FNDC3A: variants seen among roughly 807,000 people sequenced by gnomAD.
FNDC3A encodes fibronectin type III domain containing 3A, also known as fibronectin type-III domain-containing protein 3A.
A neutral mutation model predicts 148.9 loss-of-function variants in FNDC3A; 32 were observed. The observed-to-expected ratio is 0.21, with a 90% confidence interval of 0.16 to 0.29. The LOEUF is 0.29. Among genes scored for constraint, FNDC3A ranks in the 10% least tolerant of loss-of-function variants. The pLI, the probability that FNDC3A is intolerant of heterozygous loss-of-function variation, is 1.00. For synonymous variants in FNDC3A, 472 were observed against 473.6 expected, an observed-to-expected ratio of 1.00 and a Z score of 0.04; for missense variants, 1,191 against 1,452.8, an observed-to-expected ratio of 0.82 and a Z score of 2.93.
chr13:49,187,809 T>C (rs1199460492), intron 16 of FNDC3A: 1 of 632,260 alleles, frequency 1.6e-6, no homozygotes, highest in East Asian at 2.7e-5. Context: ...TATGATCCAC[T>C]TTAAATTGTG....
At chr13:49,168,813 A>G (rs1049982811) in intron 10 of FNDC3A, 62 bp downstream of exon 10, 1 of 1,466,000 alleles carries the variant, frequency 6.8e-7, no homozygotes, top group Non-Finnish European at 9.4e-7. Context: ...CCCTGGTAGT[A>G]TTAAGTTTCA....
intron 7 of FNDC3A, among the ~76,000 whole-genome samples, chr13:49,144,465 G>A (rs868262205): frequency 3.9e-5 from 6 of 152,220 alleles, no homozygotes; most frequent in Middle Eastern, 3.4e-3. Flanking sequence ...ATTCAAGATA[G>A]GAGTAATTGT....
intron 1 of FNDC3A, among the ~76,000 whole-genome samples, chr13:48,979,521 T>C (rs1951661598): frequency 6.6e-6 from 1 of 151,912 alleles, no homozygotes; most frequent in African/African-American, 2.4e-5. Context: ...AGGACAGAAA[T>C]TGGGACGAAG....
At position 49,187,168 on chromosome 13, in the gene FNDC3A, G is replaced by A; in HGVS notation, c.1803G>A (p.Val601=). Residue 601 remains valine (V), a synonymous_variant, in exon 16 of 26, where the codon GTG becomes GTA. Transcript: ENST00000492622. ...GAGCAACCATCAATAAATATGTAGT[G>A]GAGATGGCAGAAGGTTCTAACGGTA... ...NGGATINKYV[V]EMAEGSNGNK... 2 of 1,611,984 alleles carry A rather than the reference G, an allele frequency of 1.2e-6. No individual in the cohort carries two copies. The highest frequency in any genetic ancestry group is 4.5e-5 in the East Asian group (2 of 44,808).
Position 49,208,741 on chromosome 13 carries a change from A to G in FNDC3A, c.*1346A>G, listed in dbSNP as rs529882817. On this transcript the variant is annotated 3_prime_UTR_variant, in exon 26 of 26. Coordinates refer to ENST00000492622, the MANE Select transcript of FNDC3A (RefSeq NM_001079673.2). ...CAATTCTTGTTTTAGCACATCTGTT[A>G]TCCGTAAAACACCTGTAACTAGCTT... is the stretch of plus-strand genomic sequence containing the variant. 13 of 152,756 alleles carry G rather than the reference A, an allele frequency of 8.5e-5. No homozygotes were observed. The highest frequency in any genetic ancestry group is 2.9e-4 in the African/African-American group (12 of 41,580). The allele number at this position is 152,756 out of a possible 1,614,324, so 9.5% of individuals were successfully genotyped here. A position where few individuals can be genotyped will look rare whatever the true frequency, so the allele number is the denominator to read the frequency against.
At chr13:49,169,888 A>G (rs772326677) in intron 10 of FNDC3A, among the ~76,000 whole-genome samples, 4 of 152,152 alleles carry the variant, frequency 2.6e-5, no homozygotes, top group Admixed American at 6.5e-5. Context: ...AAGTATGACT[A>G]ATTTTATTTC....
chr13:49,175,073 A>G (rs1289717687), intron 12 of FNDC3A, among the ~76,000 whole-genome samples: 1 of 152,208 alleles, frequency 6.6e-6, no homozygotes, highest in Non-Finnish European at 1.5e-5. Flanking sequence ...ATTTACACCA[A>G]TACACGAGTG....
intron 1 of FNDC3A, among the ~76,000 whole-genome samples, chr13:49,005,369 C>A (rs1952202064): frequency 6.6e-6 from 1 of 151,768 alleles, no homozygotes; most frequent in Admixed American, 6.6e-5. Flanking sequence ...ATTTGCTTAT[C>A]TTGAAATGTA....
chr13:49,091,956 T>C (rs923838020), intron 3 of FNDC3A, among the ~76,000 whole-genome samples: 7 of 152,218 alleles, frequency 4.6e-5, no homozygotes, highest in Non-Finnish European at 7.3e-5. Flanking sequence ...TAGTCAAATA[T>C]TCAGTTTCCA....
chr13:49,120,051 G>C (rs1566263035), intron 4 of FNDC3A, among the ~76,000 whole-genome samples: 1 of 152,052 alleles, frequency 6.6e-6, no homozygotes. Context: ...GATTCACCAA[G>C]GTAGACATGA....
intron 1 of FNDC3A, among the ~76,000 whole-genome samples, chr13:48,987,573 C>T (rs556289592): frequency 6.6e-6 from 1 of 152,172 alleles, no homozygotes; most frequent in African/African-American, 2.4e-5. Context: ...TTAAACCTTT[C>T]TTCACTTAAG....
At chr13:49,108,667 A>G (rs1056774406) in intron 3 of FNDC3A, among the ~76,000 whole-genome samples, 5 of 152,212 alleles carry the variant, frequency 3.3e-5, no homozygotes, top group Non-Finnish European at 1.5e-5. Flanking sequence ...TGCAAATGTG[A>G]GCCAAAATAA....
intron 7 of FNDC3A, among the ~76,000 whole-genome samples, chr13:49,140,127 G>A (rs568551503): frequency 6.6e-6 from 1 of 152,264 alleles, no homozygotes; most frequent in African/African-American, 2.4e-5. Context: ...GAGGCCAGGA[G>A]TTTGAGACCA....
At chr13:49,071,011 G>A (rs192225681) in intron 2 of FNDC3A, among the ~76,000 whole-genome samples, 92 of 143,244 alleles carry the variant, frequency 6.4e-4, no homozygotes, top group African/African-American at 2.0e-3. Context: ...CAATCCTCCT[G>A]CCTCAGCCGC....
intron 14 of FNDC3A, 118 bp from the exon 15 acceptor site, chr13:49,185,846 T>C (rs1227557988): frequency 4.0e-6 from 3 of 753,210 alleles, no homozygotes; most frequent in Non-Finnish European, 6.6e-6. Flanking sequence ...CATTCCAAGC[T>C]AAAAAAAATG....
At chr13:49,043,306 T>A (rs1417182520) in intron 2 of FNDC3A, among the ~76,000 whole-genome samples, 1 of 152,214 alleles carries the variant, frequency 6.6e-6, no homozygotes, top group African/African-American at 2.4e-5. Flanking sequence ...ATTTTATTTT[T>A]AACTTTTGTG....
chr13:49,090,446 C>T (rs958807963), intron 3 of FNDC3A, among the ~76,000 whole-genome samples: 1 of 152,076 alleles, frequency 6.6e-6, no homozygotes, highest in Non-Finnish European at 1.5e-5. Context: ...ACAAACACAT[C>T]CAGGAGATTG....
chr13:48,998,941 C>T (rs931788547), intron 1 of FNDC3A, among the ~76,000 whole-genome samples: 2 of 152,198 alleles, frequency 1.3e-5, no homozygotes, highest in African/African-American at 2.4e-5. Context: ...AGACTGTGAA[C>T]ATGCATGATC....
intron 2 of FNDC3A, among the ~76,000 whole-genome samples, chr13:49,034,753 G>A (rs1338193939): frequency 6.6e-6 from 1 of 151,914 alleles, no homozygotes; most frequent in African/African-American, 2.4e-5. Flanking sequence ...TCAAATGCAG[G>A]CAGTTTATAC....
Sources: allele counts gnomAD v4.1 joint callset (sites outside exome capture counted in the v4.1 genomes callset), GRCh38; gene constraint gnomAD v4.1.1; transcripts MANE v1.5; gene names NCBI Gene and HGNC (gene_info 2026-07-23, HGNC 2026-07-21).